The following MAST1 variants were observed in gnomAD, a reference collection of about 807,000 sequenced individuals.
MAST1 encodes the protein microtubule associated serine/threonine kinase 1, also known as microtubule-associated serine/threonine-protein kinase 1.
MAST1 carries 40 observed loss-of-function variants against 124.6 expected under a neutral mutation model. The observed-to-expected ratio is 0.32, with a 90% confidence interval of 0.25 to 0.42. The LOEUF (loss-of-function observed/expected upper bound fraction) is 0.42. Ranked by LOEUF, MAST1 falls within the 10% of genes least tolerant of loss-of-function variation. MAST1 has a pLI of 1.00. For missense variants in MAST1, 1,558 were observed against 2,181.9 expected, an observed-to-expected ratio of 0.71 and a Z score of 5.70; for synonymous variants, 938 against 939.4, an observed-to-expected ratio of 1.00 and a Z score of 0.03.
chr19:12,871,011 G>A, intron 23 of MAST1, 25 bp from the exon 24 acceptor site: 1 of 1,614,086 alleles, frequency 6.2e-7, no homozygotes, highest in Non-Finnish European at 8.5e-7. Context: ...CCCTAGCAGA[G>A]CATTTTCCCG....
At chr19:12,853,905 AATAATG>A (rs1969991849) in intron 10 of MAST1, among the ~76,000 whole-genome samples, 1 of 115,856 alleles carries the variant, frequency 8.6e-6, no homozygotes, top group African/African-American at 3.2e-5. Flanking sequence ...TAATAATAAT[AATAATG>A]ATTAATAGTA....
rs545123990 is a variant in MAST1, at chr19:12,869,824, G to A, written c.3003+529G>A. 6.6e-5 allele frequency among the ~76,000 whole-genome samples: 10 copies of A among 151,846 alleles called. No individual in the cohort carries two copies. In the South Asian group the frequency reaches 1.5e-3, roughly 22 times the overall value. ...TCCCAGCACTTTGGGAGGCTGAGGT[G>A]GGCAGATCACTGGAGGTCAGGAGTT... On this transcript the variant is annotated intron_variant, in intron 22 of 25. Transcript: ENST00000251472.
intron 7 of MAST1, chr19:12,849,070 A>G (rs1969931098): frequency 6.6e-6 from 1 of 152,176 alleles, no homozygotes; most frequent in Non-Finnish European, 1.5e-5. Flanking sequence ...CATACTGTGT[A>G]TTTTTGCTTA....
intron 22 of MAST1, among the ~76,000 whole-genome samples, chr19:12,869,728 G>A (rs1970207690): frequency 6.6e-6 from 1 of 151,946 alleles, no homozygotes; most frequent in Non-Finnish European, 1.5e-5. Flanking sequence ...GAGCCACGGT[G>A]CCTGGCCGAG....
chr19:12,844,772 C>T (rs1045031232), intron 4 of MAST1, among the ~76,000 whole-genome samples: 1 of 152,088 alleles, frequency 6.6e-6, no homozygotes, highest in Non-Finnish European at 1.5e-5. Context: ...CAGGCAGTGA[C>T]CTTGATCAGG....
Position 12,867,913 on chromosome 19 carries a change from T to C in MAST1, c.2502T>C (p.Asp834=). The C allele has an allele frequency of 1.2e-6, 2 of 1,600,482 alleles. No individual in the cohort carries two copies. Among genetic ancestry groups the C allele is most frequent in the South Asian group, 1.1e-5 (1 of 90,250 alleles). The change falls in exon 20 of 26, where the codon GAT becomes GAC. Residue 834 remains aspartate, a synonymous_variant. Transcript: ENST00000251472. The part of the protein sequence containing the change: ...RPSSDPAGSL[D]ARAPKEETQG... ...GCTCCGACCCCGCGGGATCCCTGGA[T>C]GCACGGGCCCCCAAAGAGGAGACTC... is the stretch of plus-strand genomic sequence containing the variant.
chr19:12,858,241 T>C (rs940045052), intron 10 of MAST1, 121 bp from the exon 11 acceptor site: 41 of 840,036 alleles, frequency 4.9e-5, no homozygotes, highest in Non-Finnish European at 7.7e-5. Context: ...TCTTTCATTA[T>C]GGCACTTGGA....
chr19:12,872,736 TACAAAAATTAGCTGGG>T (rs1970251994), intron 24 of MAST1: 1 of 152,896 alleles, frequency 6.5e-6, no homozygotes, highest in Non-Finnish European at 1.5e-5. Flanking sequence ...CTACTAAAAA[TACAAAAATTAGCTGGG>T]AGTGGTGGCT....
At chr19:12,870,748 T>C in intron 22 of MAST1, 76 bp from the exon 23 acceptor site, 1 of 1,425,782 alleles carries the variant, frequency 7.0e-7, no homozygotes, top group Admixed American at 2.2e-5. Flanking sequence ...GAGCTAAGTG[T>C]CCTGCATATA....
Position 12,847,523 on chromosome 19 carries a change from C to G in MAST1, c.488+73C>G. On this transcript the variant is annotated intron_variant, in intron 5 of 25. Coordinates refer to ENST00000251472, the MANE Select transcript of MAST1 (RefSeq NM_014975.3). The surrounding 1 kb of genome is among the most constrained non-coding windows in gnomAD (Gnocchi z 5.5). ...CTTGTGCTTAGAGAGACCCCTGTCC[C>G]CGCGAATAAAAGGGTTACATCTTGG... 6.2e-7 allele frequency: 1 copy of G among 1,610,670 alleles called. No homozygotes were observed. The highest frequency in any genetic ancestry group is 8.5e-7 in the Non-Finnish European group (1 of 1,177,848).
intron 12 of MAST1, among the ~76,000 whole-genome samples, chr19:12,863,137 T>G (rs1599587349): frequency 8.5e-6 from 1 of 117,326 alleles, no homozygotes. Context: ...CTAGCCTGGG[T>G]GACAGAGCCA....
chr19:12,850,957 T>C (rs533940199), intron 7 of MAST1, among the ~76,000 whole-genome samples: 2 of 151,440 alleles, frequency 1.3e-5, no homozygotes, highest in African/African-American at 4.8e-5. Context: ...CTTTTCTTTT[T>C]TTTTTTTTTT....
intron 12 of MAST1, among the ~76,000 whole-genome samples, chr19:12,859,141 G>A (rs1970050630): frequency 6.6e-6 from 1 of 152,010 alleles, no homozygotes; most frequent in African/African-American, 2.4e-5. Flanking sequence ...GTGCAGTGGT[G>A]CAATCTCGGT....
At position 12,874,574 on chromosome 19, in the gene MAST1, G is replaced by GC. The variant is rs1284733718; in HGVS notation, c.4423dup (p.Arg1475ProfsTer76). On this transcript the variant is annotated frameshift_variant, in exon 26 of 26. Transcript: ENST00000251472. LOFTEE classifies it low-confidence loss of function (END_TRUNC). The surrounding 1 kb of genome is among the most constrained non-coding windows in gnomAD (Gnocchi z 6.6). Reference sequence around the variant, plus strand: ...ACCCCTGGCGCCTTCCGTGCCCGAGGCCCCCCGGGGCCGGGAGCGCTGGGT... The same window carrying GC: ...ACCCCTGGCGCCTTCCGTGCCCGAGGCCCCCCCGGGGCCGGGAGCGCTGGGT... 1.3e-6 allele frequency: 2 copies of GC among 1,506,402 alleles called. No homozygotes were observed. Among genetic ancestry groups the GC allele is most frequent in the African/African-American group, 1.4e-5 (1 of 71,700 alleles). The allele number at this position is 1,506,402 out of a possible 1,614,324, so 93.3% of individuals were successfully genotyped here.
chr19:12,856,066 C>G (rs1341550116), intron 10 of MAST1, among the ~76,000 whole-genome samples: 1 of 151,850 alleles, frequency 6.6e-6, no homozygotes, highest in Non-Finnish European at 1.5e-5. Context: ...ACACTCTGCC[C>G]AATTCTGTCA....
chr19:12,849,389 C>T (rs746863435), intron 7 of MAST1, among the ~76,000 whole-genome samples: 1 of 151,994 alleles, frequency 6.6e-6, no homozygotes, highest in African/African-American at 2.4e-5. Flanking sequence ...TTAAGCCAGG[C>T]GAGGTTGCTC....
intron 1 of MAST1, among the ~76,000 whole-genome samples, chr19:12,840,178 A>G (rs1217545478): frequency 6.6e-6 from 1 of 152,236 alleles, no homozygotes; most frequent in Non-Finnish European, 1.5e-5. Flanking sequence ...TGTCACCTAG[A>G]CACAGTGACT....
intron 7 of MAST1, among the ~76,000 whole-genome samples, chr19:12,849,663 C>CA (rs1568408876): frequency 2.0e-5 from 3 of 150,086 alleles, no homozygotes; most frequent in South Asian, 2.1e-4. Flanking sequence ...GATTCTGTCT[C>CA]AAAAAAAATA....
rs374275888 is a variant in MAST1, at chr19:12,866,951, C to A, written c.2139+189C>A. 8.0e-4 allele frequency among the ~76,000 whole-genome samples: 119 copies of A among 148,960 alleles called. 1 individual carries two copies. The South Asian group carries it at 0.013, about 17-fold the overall frequency. Reference sequence around the variant, plus strand: ...GAGTCTATGGGACGGGCCTTTGGCACTGAGTGGAATCTAACAGGAATCAGG... The same window carrying A: ...GAGTCTATGGGACGGGCCTTTGGCAATGAGTGGAATCTAACAGGAATCAGG... On this transcript the variant is annotated intron_variant, in intron 18 of 25. Transcript: ENST00000251472. The surrounding 1 kb of genome is among the most constrained non-coding windows in gnomAD (Gnocchi z 5.2).
Sources: allele counts gnomAD v4.1 joint callset (sites outside exome capture counted in the v4.1 genomes callset), GRCh38; gene constraint gnomAD v4.1.1; non-coding constraint Gnocchi (gnomAD v3.1); transcripts MANE v1.5; gene names NCBI Gene and HGNC (gene_info 2026-07-23, HGNC 2026-07-21).